Variants in SMAD5 observed in about 807,000 individuals in gnomAD.
The protein encoded by SMAD5 is MAD, mothers against decapentaplegic homolog 5.
SMAD5 carries 9 observed loss-of-function variants against 43.1 expected under a neutral mutation model. The ratio of observed to expected loss-of-function variants is 0.21; its 90% CI spans 0.13 to 0.36. SMAD5 has a LOEUF of 0.36. SMAD5 is among the 10% of genes least tolerant of loss of function. The pLI is 1.00. For synonymous variants in SMAD5, 190 were observed against 192.4 expected (o/e 0.99, Z 0.10); for missense variants, 348 against 574.0 (o/e 0.61, Z 4.02).
intron 4 of SMAD5, among the ~76,000 whole-genome samples, chr5:136,162,312 C>T (rs1753850270): frequency 6.6e-6 from 1 of 152,128 alleles, no homozygotes; most frequent in African/African-American, 2.4e-5. Flanking sequence ...CAGACGTGGC[C>T]CTGGCTGGGA....
intron 1 of SMAD5, among the ~76,000 whole-genome samples, chr5:136,137,800 G>C (rs1052461509): frequency 6.6e-6 from 1 of 152,312 alleles, no homozygotes; most frequent in South Asian, 2.1e-4. Flanking sequence ...GAGCTGAAAA[G>C]TTACCCAGAG....
At position 136,174,533 on chromosome 5, in the gene SMAD5, T is replaced by C. The variant is rs1443627513; in HGVS notation, c.1155T>C (p.Asn385=). The C allele has an allele frequency of 5.6e-6, 9 of 1,613,892 alleles. No homozygotes were observed. The highest frequency in any genetic ancestry group is 7.6e-6 in the Non-Finnish European group (9 of 1,179,804). The change falls in exon 7 of 8, where the codon AAT becomes AAC. Residue 385 remains asparagine, a synonymous_variant. Transcript: ENST00000545279. Reference sequence around the variant, plus strand: ...GCTGCAGCCTCAAAATTTTTAACAATCAGGAGTTTGCTCAGCTTCTGGCTC... The same window carrying C: ...GCTGCAGCCTCAAAATTTTTAACAACCAGGAGTTTGCTCAGCTTCTGGCTC... ...PSSCSLKIFN[N]QEFAQLLAQS...
At chr5:136,150,828 TTG>T (rs899361799) in intron 2 of SMAD5, among the ~76,000 whole-genome samples, 3 of 152,036 alleles carry the variant, frequency 2.0e-5, no homozygotes, top group African/African-American at 7.2e-5. Flanking sequence ...TTTGTAAAGC[TTG>T]TGTTAGATAG....
intron 3 of SMAD5, among the ~76,000 whole-genome samples, chr5:136,158,932 G>T (rs746500696): frequency 6.6e-6 from 1 of 151,970 alleles, no homozygotes; most frequent in Non-Finnish European, 1.5e-5. Context: ...AAGGGAAAAC[G>T]TAGAGTGAAT....
intron 2 of SMAD5, among the ~76,000 whole-genome samples, chr5:136,151,175 TG>T (rs142896086): frequency 0.03 from 4,582 of 152,140 alleles, 100 homozygotes; most frequent in African/African-American, 0.059. Context: ...GGGCATCCAG[TG>T]GTTTTGAGGG....
At chr5:136,160,005 C>G (rs1442717385) in intron 3 of SMAD5, among the ~76,000 whole-genome samples, 1 of 152,176 alleles carries the variant, frequency 6.6e-6, no homozygotes, top group Non-Finnish European at 1.5e-5. Context: ...TTTGAAGAAT[C>G]AGGTTTGTTT....
At chr5:136,136,916 C>T (rs1213921149) in intron 1 of SMAD5, among the ~76,000 whole-genome samples, 3 of 151,982 alleles carry the variant, frequency 2.0e-5, no homozygotes, top group Admixed American at 6.6e-5. Flanking sequence ...AGGCTGGTCT[C>T]GAACTTCTGA....
intron 1 of SMAD5, among the ~76,000 whole-genome samples, chr5:136,146,598 C>T (rs1580768834): frequency 6.6e-6 from 1 of 151,494 alleles, no homozygotes; most frequent in African/African-American, 2.4e-5. Context: ...TTTTCATAAC[C>T]GAGTACTTAT....
chr5:136,172,357 G>A, intron 5 of SMAD5, 77 bp from the exon 6 acceptor site: 1 of 802,504 alleles, frequency 1.2e-6, no homozygotes, highest in Non-Finnish European at 2.0e-6. Flanking sequence ...TACTTGGGTT[G>A]GGTTAAAAGA....
chr5:136,174,567 A>C lies in SMAD5; in HGVS notation c.1189A>C (p.Asn397His). The part of the protein sequence containing the change: ...EFAQLLAQSV[N>H]HGFEAVYELT... Reference sequence around the variant, plus strand: ...TGCTCAGCTTCTGGCTCAATCTGTCAACCATGGGTTTGAGGCAGTATATGA... The same window carrying C: ...TGCTCAGCTTCTGGCTCAATCTGTCCACCATGGGTTTGAGGCAGTATATGA... The change falls in exon 7 of 8, where the codon AAC becomes CAC. Residue 397 changes from asparagine (N) to histidine (H), a missense_variant. Around this residue, in one of 5 missense-constraint regions of SMAD5, gnomAD observed 97 missense variants for 211.8 expected, o/e 0.46. Coordinates refer to ENST00000545279, the MANE Select transcript of SMAD5 (RefSeq NM_005903.7). The C allele has an allele frequency of 6.2e-7, 1 of 1,613,650 alleles. No homozygotes were observed. Among genetic ancestry groups the C allele is most frequent in the Non-Finnish European group, 8.5e-7 (1 of 1,179,566 alleles).
chr5:136,164,333 C>T (rs912135029), intron 5 of SMAD5, among the ~76,000 whole-genome samples: 4 of 152,112 alleles, frequency 2.6e-5, no homozygotes, highest in South Asian at 2.1e-4. Flanking sequence ...TTCTCTGAAG[C>T]GGCAGTACCA....
chr5:136,163,522 T>A (rs1109158), intron 5 of SMAD5, 131 bp downstream of exon 5: 187,163 of 611,336 alleles, frequency 0.31, 31,128 homozygotes, highest in African/African-American at 0.52. Context: ...AGTGTATGAT[T>A]CAAAGATTTT....
chr5:136,155,076 C>A (rs990666250), intron 3 of SMAD5, among the ~76,000 whole-genome samples: 1 of 152,186 alleles, frequency 6.6e-6, no homozygotes, highest in Admixed American at 6.5e-5. Context: ...AGCTGATGCT[C>A]ACATTTTGAA....
chr5:136,171,639 TTACC>T (rs1464660231), intron 5 of SMAD5, among the ~76,000 whole-genome samples: 1 of 152,346 alleles, frequency 6.6e-6, no homozygotes, highest in East Asian at 1.9e-4. Context: ...AGCACGTAAC[TTACC>T]TGGTTTCATA....
At chr5:136,151,354 A>C (rs998451523) in intron 2 of SMAD5, among the ~76,000 whole-genome samples, 1 of 152,104 alleles carries the variant, frequency 6.6e-6, no homozygotes, top group African/African-American at 2.4e-5. Context: ...TCAAGTGGTC[A>C]GGGAATTCCT....
chr5:136,142,300 A>G (rs909112539), intron 1 of SMAD5, among the ~76,000 whole-genome samples: 1 of 152,210 alleles, frequency 6.6e-6, no homozygotes, highest in African/African-American at 2.4e-5. Flanking sequence ...TCCCCGAAGA[A>G]GGGATGCTTG....
chr5:136,149,818 T>A (rs1216738818), intron 2 of SMAD5, among the ~76,000 whole-genome samples: 1 of 151,846 alleles, frequency 6.6e-6, no homozygotes, highest in Non-Finnish European at 1.5e-5. Flanking sequence ...TTTTAGTCAT[T>A]CCATATTTAA....
chr5:136,137,272 C>A (rs989334886), intron 1 of SMAD5, among the ~76,000 whole-genome samples: 1 of 144,646 alleles, frequency 6.9e-6, no homozygotes, highest in Non-Finnish European at 1.5e-5. Context: ...TTTTTGGGAC[C>A]CCCCCCCGCA....
intron 1 of SMAD5, chr5:136,133,741 A>C (rs1752767270): frequency 1.3e-5 from 2 of 153,502 alleles, no homozygotes; most frequent in African/African-American, 4.8e-5. Context: ...TCCTCCTTTC[A>C]GCTGCTGTTA....
Sources: gnomAD v4.1 joint callset for allele counts (sites outside exome capture counted in the v4.1 genomes callset) on GRCh38, gnomAD v4.1.1 for gene constraint, gnomAD v4.1.1 regional missense constraint, MANE v1.5 for transcripts, NCBI Gene and HGNC (gene_info 2026-07-23, HGNC 2026-07-21) for gene names.